ZFHX3: variants seen among roughly 807,000 people sequenced by gnomAD.
ZFHX3 encodes the protein zinc finger homeobox protein 3.
In ZFHX3, 42 loss-of-function variants were observed where a neutral mutation model predicts 279.1. The ratio of observed to expected loss-of-function variants is 0.15; its 90% CI spans 0.12 to 0.19. ZFHX3 has a LOEUF of 0.19. Among genes scored for constraint, ZFHX3 ranks in the 10% least tolerant of loss-of-function variants. ZFHX3 has a pLI of 1.00. For missense variants in ZFHX3, 4,981 were observed against 4,754.0 expected (o/e 1.05, Z -1.40); for synonymous variants, 2,293 against 1,957.8 (o/e 1.17, Z -4.52).
At chr16:73,051,380 G>C (rs1195315374), upstream of ZFHX3, among the ~76,000 whole-genome samples, 1 of 152,170 alleles carries the variant, frequency 6.6e-6, no homozygotes, top group African/African-American at 2.4e-5. Context: ...TACCCGCTGG[G>C]TGGCCGAGCC....
chr16:73,775,402 G>T (rs1454398905), intron 1 of ZFHX3, among the ~76,000 whole-genome samples: 1 of 152,066 alleles, frequency 6.6e-6, no homozygotes, highest in African/African-American at 2.4e-5. Context: ...ACCTCCCTCA[G>T]CTGAGAAAAG....
At chr16:72,818,366 C>T (rs1018721366) in intron 5 of ZFHX3, among the ~76,000 whole-genome samples, 10 of 152,320 alleles carry the variant, frequency 6.6e-5, no homozygotes, top group African/African-American at 2.4e-4. Context: ...CATTTGCTTG[C>T]AATTCCTTCC....
intron 2 of ZFHX3, among the ~76,000 whole-genome samples, chr16:73,526,559 G>C (rs772476002): frequency 1.3e-5 from 2 of 152,190 alleles, no homozygotes; most frequent in East Asian, 1.9e-4. Flanking sequence ...CTGGCCTCCA[G>C]TTTTGACACT....
At chr16:73,177,134 A>G (rs1248877152) in intron 5 of ZFHX3, among the ~76,000 whole-genome samples, 1 of 151,782 alleles carries the variant, frequency 6.6e-6, no homozygotes, top group Non-Finnish European at 1.5e-5. Flanking sequence ...AGCCTGGGCA[A>G]CAGAGCAAGA....
Position 72,902,416 on chromosome 16 carries a change from C to A in ZFHX3, c.3217-12454G>T, listed in dbSNP as rs115108553. 8.8e-3 allele frequency among the ~76,000 whole-genome samples: 1,339 copies of A among 152,266 alleles called. 24 individuals carry two copies. The highest frequency in any genetic ancestry group is 0.03 in the African/African-American group (1,236 of 41,558). On this transcript the variant is annotated intron_variant, in intron 3 of 9. Coordinates refer to ENST00000268489, the MANE Select transcript of ZFHX3 (RefSeq NM_006885.4). ...GAGGGAGGTAACAGCCCCCAGCTTG[C>A]GCCTGGGTTTGGCAGGCTGGCTTCC...
intron 5 of ZFHX3, among the ~76,000 whole-genome samples, chr16:73,177,021 G>C (rs1967681098): frequency 6.6e-6 from 1 of 152,120 alleles, no homozygotes; most frequent in African/African-American, 2.4e-5. Context: ...AATGTGACTT[G>C]AAGGTGACAT....
At chr16:73,559,731 G>A (rs2056906474) in intron 2 of ZFHX3, among the ~76,000 whole-genome samples, 1 of 152,128 alleles carries the variant, frequency 6.6e-6, no homozygotes, top group African/African-American at 2.4e-5. Flanking sequence ...GAGGTCTTTG[G>A]CGGACTCTGG....
At chr16:73,534,899 A>T (rs868382206) in intron 2 of ZFHX3, among the ~76,000 whole-genome samples, 1 of 152,166 alleles carries the variant, frequency 6.6e-6, no homozygotes, top group African/African-American at 2.4e-5. Flanking sequence ...CTCCCCAATC[A>T]TCTCACTCTC....
At chr16:73,816,553 C>T (rs1051078386) in intron 1 of ZFHX3, among the ~76,000 whole-genome samples, 2 of 152,094 alleles carry the variant, frequency 1.3e-5, no homozygotes, top group Non-Finnish European at 2.9e-5. Flanking sequence ...AAAGCTAAAA[C>T]TATTTACTAT....
At chr16:72,961,512 T>G (rs1289670226) in intron 1 of ZFHX3, among the ~76,000 whole-genome samples, 2 of 152,012 alleles carry the variant, frequency 1.3e-5, no homozygotes, top group East Asian at 3.9e-4. Context: ...CCCCTGCTGC[T>G]CCTCCTGGAG....
At chr16:72,904,423 A>AAAT (rs2039121365) in intron 3 of ZFHX3, among the ~76,000 whole-genome samples, 2 of 149,008 alleles carry the variant, frequency 1.3e-5, no homozygotes, top group East Asian at 4.0e-4. Context: ...AATAAATAAA[A>AAAT]ATTGTGGGCT....
intron 1 of ZFHX3, among the ~76,000 whole-genome samples, chr16:73,751,257 T>G (rs1362104990): frequency 1.3e-5 from 2 of 152,226 alleles, no homozygotes; most frequent in African/African-American, 4.8e-5. Context: ...ATTCAACAAG[T>G]ACTCAGTGCC....
intron 2 of ZFHX3, among the ~76,000 whole-genome samples, chr16:73,556,856 G>C (rs528986019): frequency 4.6e-5 from 7 of 151,978 alleles, no homozygotes; most frequent in African/African-American, 1.7e-4. Context: ...AGCACTTTGG[G>C]AGGCCGAGAC....
chr16:73,797,914 A>G (rs926165703), intron 1 of ZFHX3, among the ~76,000 whole-genome samples: 7 of 148,594 alleles, frequency 4.7e-5, no homozygotes, highest in African/African-American at 7.5e-5. Flanking sequence ...CCTGGGTTCA[A>G]GTGATTCTCC....
chr16:72,890,057 T>C (rs981227124), intron 3 of ZFHX3, 95 bp from the exon 4 acceptor site: 1 of 1,146,934 alleles, frequency 8.7e-7, no homozygotes, highest in African/African-American at 1.5e-5. Context: ...GCCAGAGGCA[T>C]GCCTCCAGGG....
At chr16:73,873,240 T>G (rs1425574772) in intron 1 of ZFHX3, among the ~76,000 whole-genome samples, 7 of 34,974 alleles carry the variant, frequency 2.0e-4, no homozygotes, top group African/African-American at 7.9e-4. Context: ...TGGGTGGTAG[T>G]GGGTGGTTGG....
At chr16:73,593,599 G>C (rs1476465004) in intron 2 of ZFHX3, among the ~76,000 whole-genome samples, 1 of 143,002 alleles carries the variant, frequency 7.0e-6, no homozygotes, top group African/African-American at 2.5e-5. Context: ...AGGGAGGGAG[G>C]GAAGGAAGGA....
chr16:73,453,672 GAT>G (rs2018319708), intron 3 of ZFHX3, among the ~76,000 whole-genome samples: 1 of 152,198 alleles, frequency 6.6e-6, no homozygotes, highest in African/African-American at 2.4e-5. Context: ...TCATGCTGCT[GAT>G]AAAGACATAG....
At chr16:73,315,440 T>C (rs2015423945) in intron 4 of ZFHX3, among the ~76,000 whole-genome samples, 1 of 152,152 alleles carries the variant, frequency 6.6e-6, no homozygotes, top group Non-Finnish European at 1.5e-5. Context: ...GCTCTTGATA[T>C]TCTCAGTTTA....
Sources: gnomAD v4.1 joint callset for allele counts (sites outside exome capture counted in the v4.1 genomes callset) on GRCh38, gnomAD v4.1.1 for gene constraint, MANE v1.5 for transcripts, NCBI Gene and HGNC (gene_info 2026-07-23, HGNC 2026-07-21) for gene names.